RPH3A: variants seen among roughly 807,000 people sequenced by gnomAD.
RPH3A encodes rabphilin-3A.
Under a neutral mutation model 102.2 loss-of-function variants are expected in RPH3A, and 48 were observed. That is an observed-to-expected ratio of 0.47 (90% CI 0.37 to 0.60). The LOEUF is 0.60. Ranked by LOEUF, RPH3A falls within the 20% of genes least tolerant of loss-of-function variation. The pLI, the probability that RPH3A is intolerant of heterozygous loss-of-function variation, is 0.00. For missense variants in RPH3A, 781 were observed against 910.1 expected (o/e 0.86, Z 1.83); for synonymous variants, 310 against 324.3 (o/e 0.96, Z 0.47).
At chr12:112,687,004 A>G (rs2040270163) in intron 1 of RPH3A, among the ~76,000 whole-genome samples, 1 of 152,184 alleles carries the variant, frequency 6.6e-6, no homozygotes, top group South Asian at 2.1e-4. Context: ...AGTCCCAGCT[A>G]CTAGGGAGGC....
At chr12:112,826,106 T>C (rs1445383553) in intron 2 of RPH3A, among the ~76,000 whole-genome samples, 1 of 151,906 alleles carries the variant, frequency 6.6e-6, no homozygotes. Flanking sequence ...CCGACCCCGC[T>C]GTGGGAGCTG....
chr12:112,775,242 T>C (rs964783904), intron 1 of RPH3A, among the ~76,000 whole-genome samples: 3 of 152,072 alleles, frequency 2.0e-5, no homozygotes, highest in Admixed American at 2.0e-4. Context: ...AAAAAAAGTT[T>C]GGAAAAAACC....
chr12:112,678,231 TCGAAAGAAAGAAAGAAAGAAAGAAAGAA>T (rs1192374417), intron 1 of RPH3A, among the ~76,000 whole-genome samples: 1 of 113,530 alleles, frequency 8.8e-6, no homozygotes, highest in Non-Finnish European at 1.7e-5. Context: ...CAAGACCCTG[TCGAAAGAAAGAAAGAAAGAAAGAAAGAA>T]AGAAAGAAAG....
At chr12:112,807,557 T>A (rs1168241274) in intron 2 of RPH3A, among the ~76,000 whole-genome samples, 14 of 152,196 alleles carry the variant, frequency 9.2e-5, no homozygotes, top group Non-Finnish European at 1.5e-5. Context: ...CTCAGTTTCT[T>A]CATGTGGGAA....
At chr12:112,652,172 C>A (rs1683584540) in intron 1 of RPH3A, among the ~76,000 whole-genome samples, 1 of 151,892 alleles carries the variant, frequency 6.6e-6, no homozygotes, top group Non-Finnish European at 1.5e-5. Flanking sequence ...CAAGTGGAGA[C>A]CTTCATTTAA....
At chr12:112,811,551 C>T (rs1483131038) in intron 2 of RPH3A, among the ~76,000 whole-genome samples, 3 of 147,094 alleles carry the variant, frequency 2.0e-5, no homozygotes, top group African/African-American at 7.4e-5. Flanking sequence ...AAAAAAGAGA[C>T]CTGATTACAG....
At chr12:112,680,031 A>G (rs1460942872) in intron 1 of RPH3A, among the ~76,000 whole-genome samples, 2 of 152,264 alleles carry the variant, frequency 1.3e-5, no homozygotes, top group East Asian at 3.9e-4. Flanking sequence ...GAGCAGAGGG[A>G]AGTATGTTCC....
chr12:112,811,008 G>C (rs2041565334), intron 2 of RPH3A, among the ~76,000 whole-genome samples: 1 of 151,964 alleles, frequency 6.6e-6, no homozygotes, highest in Non-Finnish European at 1.5e-5. Context: ...GAGAGCGAGA[G>C]GGAGTCAATT....
intron 1 of RPH3A, among the ~76,000 whole-genome samples, chr12:112,727,467 ACACACAC>A: frequency 9.2e-6 from 1 of 108,992 alleles, no homozygotes; most frequent in Non-Finnish European, 2.0e-5. Context: ...AGACACACAC[ACACACAC>A]ACACACACAC....
chr12:112,825,070 C>T (rs1269271865), intron 2 of RPH3A, among the ~76,000 whole-genome samples: 1 of 152,192 alleles, frequency 6.6e-6, no homozygotes, highest in Non-Finnish European at 1.5e-5. Context: ...AGCCTCTTTG[C>T]ACTCAGCAGG....
chr12:112,818,994 G>T (rs1013756689), intron 2 of RPH3A, among the ~76,000 whole-genome samples: 1 of 151,522 alleles, frequency 6.6e-6, no homozygotes, highest in Admixed American at 6.6e-5. Context: ...TAACTCATTG[G>T]TTCCTCTCAA....
chr12:112,677,316 G>T (rs1042414351), intron 1 of RPH3A, among the ~76,000 whole-genome samples: 2 of 147,244 alleles, frequency 1.4e-5, no homozygotes, highest in Non-Finnish European at 3.0e-5. Flanking sequence ...GCACATAGGT[G>T]TGGAGCCTGT....
At chr12:112,681,343 T>C (rs2040224716) in intron 1 of RPH3A, among the ~76,000 whole-genome samples, 1 of 152,202 alleles carries the variant, frequency 6.6e-6, no homozygotes, top group Non-Finnish European at 1.5e-5. Context: ...CAACCCATTC[T>C]CACCCAGCAG....
chr12:112,615,836 C>G (rs2039674874), intron 1 of RPH3A, among the ~76,000 whole-genome samples: 1 of 152,154 alleles, frequency 6.6e-6, no homozygotes, highest in Non-Finnish European at 1.5e-5. Flanking sequence ...GTTTTATCAT[C>G]TATAAAATGG....
At chr12:112,622,583 TG>T (rs1284512026) in intron 1 of RPH3A, among the ~76,000 whole-genome samples, 1 of 150,074 alleles carries the variant, frequency 6.7e-6, no homozygotes, top group African/African-American at 2.5e-5. Context: ...TACGTCTGAT[TG>T]GTGTACCTGA....
chr12:112,744,195 C>A (rs1223595874), intron 1 of RPH3A, among the ~76,000 whole-genome samples: 1 of 152,178 alleles, frequency 6.6e-6, no homozygotes, highest in African/African-American at 2.4e-5. Context: ...CATGCCCCAG[C>A]CTCCCGAGTA....
intron 10 of RPH3A, among the ~76,000 whole-genome samples, chr12:112,870,869 C>A (rs539206231): frequency 6.6e-6 from 1 of 152,308 alleles, no homozygotes; most frequent in East Asian, 1.9e-4. Flanking sequence ...ACTTCCAGAT[C>A]CTCAACATCA....
At chr12:112,844,606 G>A (rs1463047479) in intron 4 of RPH3A, among the ~76,000 whole-genome samples, 1 of 152,158 alleles carries the variant, frequency 6.6e-6, no homozygotes, top group African/African-American at 2.4e-5. Context: ...GAAAACAAAT[G>A]TGTGTTAGTT....
At chr12:112,760,253 C>G (rs2040846960) in intron 1 of RPH3A, among the ~76,000 whole-genome samples, 1 of 152,186 alleles carries the variant, frequency 6.6e-6, no homozygotes, top group African/African-American at 2.4e-5. Flanking sequence ...CCTAGCTCTG[C>G]TGCTTACTAG....
Sources: allele counts gnomAD v4.1 joint callset (sites outside exome capture counted in the v4.1 genomes callset), GRCh38; gene constraint gnomAD v4.1.1; transcripts MANE v1.5; gene names NCBI Gene and HGNC (gene_info 2026-07-23, HGNC 2026-07-21).